Variants in NFIA observed in about 807,000 individuals in gnomAD.
The protein encoded by NFIA is nuclear factor 1 A-type.
Under a neutral mutation model 62.8 loss-of-function variants are expected in NFIA, and 8 were observed. The observed-to-expected ratio is 0.13, with a 90% CI of 0.07 to 0.23. NFIA has a LOEUF of 0.23. Ranked by LOEUF, NFIA falls within the 10% of genes least tolerant of loss-of-function variation. The pLI, the probability that NFIA is intolerant of heterozygous loss-of-function variation, is 1.00. For missense variants in NFIA, 410 were observed against 642.1 expected (o/e 0.64, Z 3.91); for synonymous variants, 235 against 238.1 (o/e 0.99, Z 0.12).
At chr1:61,084,610 C>T (rs1406150879) in intron 1 of NFIA, among the ~76,000 whole-genome samples, 1 of 152,152 alleles carries the variant, frequency 6.6e-6, no homozygotes, top group East Asian at 1.9e-4. Context: ...GGCTGAAGTT[C>T]TAGCTGGCAG....
At chr1:61,234,425 T>G (rs983602176) in intron 2 of NFIA, among the ~76,000 whole-genome samples, 2 of 151,884 alleles carry the variant, frequency 1.3e-5, no homozygotes, top group African/African-American at 4.8e-5. Flanking sequence ...CTTTGTGGTT[T>G]TGAATGCTTG....
intron 2 of NFIA, among the ~76,000 whole-genome samples, chr1:61,116,405 G>T (rs1482599184): frequency 1.3e-5 from 2 of 152,212 alleles, no homozygotes; most frequent in African/African-American, 4.8e-5. Context: ...TGAAGAAACA[G>T]AGTTGGCTCT....
Position 61,458,931 on chromosome 1 carries a change from A to C in NFIA, c.*3611A>C, listed in dbSNP as rs1278270250. ...CTTTAAAACATTAGGGAGGCAGTCTAGGGTGATAACGAACAGGGGTTAAGT... is the reference window on the plus strand; with the variant it reads ...CTTTAAAACATTAGGGAGGCAGTCTCGGGTGATAACGAACAGGGGTTAAGT... On this transcript the variant is annotated 3_prime_UTR_variant, in exon 11 of 11. Coordinates refer to ENST00000403491, the MANE Select transcript of NFIA (RefSeq NM_001134673.4). 1 of 152,208 alleles carries C rather than the reference A, an allele frequency of 6.6e-6. No homozygotes were observed. The highest frequency in any genetic ancestry group is 2.4e-5 in the African/African-American group (1 of 41,446). 9.4% of individuals were successfully genotyped at this position (152,208 alleles called of 1,614,324 possible).
intron 2 of NFIA, among the ~76,000 whole-genome samples, chr1:61,227,009 C>T (rs1022637194): frequency 1.3e-5 from 2 of 152,176 alleles, no homozygotes; most frequent in South Asian, 2.1e-4. Flanking sequence ...CTACACTGAC[C>T]GGTAACTCTC....
chr1:61,100,123 A>G (rs1646483113), intron 2 of NFIA, among the ~76,000 whole-genome samples: 1 of 152,240 alleles, frequency 6.6e-6, no homozygotes, highest in Non-Finnish European at 1.5e-5. Context: ...GTGAGAAACT[A>G]GAGCTTTTTC....
At chr1:61,254,300 C>T (rs1420188430) in intron 2 of NFIA, among the ~76,000 whole-genome samples, 1 of 152,154 alleles carries the variant, frequency 6.6e-6, no homozygotes, top group Non-Finnish European at 1.5e-5. Context: ...AAACAGCTCC[C>T]TGCATTGTCA....
chr1:61,090,011 A>G (rs1443114953), intron 2 of NFIA, among the ~76,000 whole-genome samples: 4 of 152,134 alleles, frequency 2.6e-5, no homozygotes, highest in South Asian at 4.1e-4. Flanking sequence ...TCAAAAATGT[A>G]TACTTAATTA....
At position 61,193,795 on chromosome 1, in the gene NFIA, CCCAGTATGTCCTTAGTG is replaced by C. The variant is rs1651810871; in HGVS notation, c.560-83722_560-83706del. On this transcript the variant is annotated intron_variant, in intron 2 of 10. Coordinates refer to ENST00000403491, the MANE Select transcript of NFIA (RefSeq NM_001134673.4). The stretch of plus-strand genomic sequence containing the variant: ...ACCACTTTTTCCTTTTAACATTTTC[CCCAGTATGTCCTTAGTG>C]CCTTTCCTGGAAATACCAAAAGGCA... 2.0e-5 allele frequency among the ~76,000 whole-genome samples: 3 copies of C among 152,124 alleles called. 1 individual carries two copies. The highest frequency in any genetic ancestry group is 2.0e-4 in the Admixed American group (3 of 15,270).
At chr1:61,117,906 G>A (rs747573905) in intron 2 of NFIA, among the ~76,000 whole-genome samples, 9 of 152,078 alleles carry the variant, frequency 5.9e-5, no homozygotes, top group Non-Finnish European at 1.2e-4. Context: ...CTGGCTGGCC[G>A]GGCGTGGTGG....
At chr1:61,343,915 G>T (rs777096172) in intron 4 of NFIA, among the ~76,000 whole-genome samples, 1 of 152,166 alleles carries the variant, frequency 6.6e-6, no homozygotes, top group Non-Finnish European at 1.5e-5. Flanking sequence ...GTCTATGTTC[G>T]TGTTACCTCT....
intron 7 of NFIA, among the ~76,000 whole-genome samples, chr1:61,392,194 G>A (rs1357138398): frequency 6.6e-6 from 1 of 151,988 alleles, no homozygotes; most frequent in South Asian, 2.1e-4. Flanking sequence ...GAAGTTGCAG[G>A]ACACTAAAGA....
intron 6 of NFIA, among the ~76,000 whole-genome samples, chr1:61,361,711 C>T (rs1358759783): frequency 6.6e-6 from 1 of 151,658 alleles, no homozygotes; most frequent in Non-Finnish European, 1.5e-5. Flanking sequence ...TAAATTTTAA[C>T]ATTTGAATAC....
At chr1:61,228,761 A>G (rs1490694782) in intron 2 of NFIA, among the ~76,000 whole-genome samples, 2 of 152,136 alleles carry the variant, frequency 1.3e-5, no homozygotes, top group Non-Finnish European at 2.9e-5. Context: ...TCATATTAGT[A>G]GTATTTTCCC....
At chr1:61,219,782 G>A (rs1653902715) in intron 2 of NFIA, among the ~76,000 whole-genome samples, 1 of 151,184 alleles carries the variant, frequency 6.6e-6, no homozygotes, top group Admixed American at 6.6e-5. Context: ...TGGCTAACAT[G>A]GTGAAACCCT....
At chr1:61,419,299 A>T (rs140718873) in intron 9 of NFIA, among the ~76,000 whole-genome samples, 1 of 152,188 alleles carries the variant, frequency 6.6e-6, no homozygotes, top group African/African-American at 2.4e-5. Context: ...AAAGTAAAAA[A>T]ATTAGCTGGG....
At chr1:61,269,143 T>A (rs1397278556) in intron 2 of NFIA, among the ~76,000 whole-genome samples, 2 of 151,790 alleles carry the variant, frequency 1.3e-5, no homozygotes, top group Non-Finnish European at 2.9e-5. Context: ...GGTAAGATTT[T>A]CAAACCCTGT....
chr1:61,176,854 C>T (rs1159969528), intron 2 of NFIA, among the ~76,000 whole-genome samples: 2 of 152,016 alleles, frequency 1.3e-5, no homozygotes, highest in Non-Finnish European at 2.9e-5. Flanking sequence ...CCTGTAATCC[C>T]AGCACTTTGG....
At chr1:61,311,484 G>A (rs1208126101) in intron 3 of NFIA, among the ~76,000 whole-genome samples, 5 of 152,116 alleles carry the variant, frequency 3.3e-5, no homozygotes, top group Non-Finnish European at 7.3e-5. Context: ...TTGACATTTT[G>A]GGCAGGATAC....
chr1:61,234,572 A>G (rs971551531), intron 2 of NFIA, among the ~76,000 whole-genome samples: 6 of 152,116 alleles, frequency 3.9e-5, no homozygotes, highest in African/African-American at 9.7e-5. Context: ...TAATCCCTTC[A>G]TAAATACTAG....
Sources: allele counts gnomAD v4.1 joint callset (sites outside exome capture counted in the v4.1 genomes callset), GRCh38; gene constraint gnomAD v4.1.1; transcripts MANE v1.5; gene names NCBI Gene and HGNC (gene_info 2026-07-23, HGNC 2026-07-21).